LCN1: variants seen among roughly 807,000 people sequenced by gnomAD.
LCN1 encodes the protein lipocalin 1.
A neutral mutation model predicts 22.3 loss-of-function variants in LCN1; 25 were observed. The ratio of observed to expected loss-of-function variants is 1.12; its 90% confidence interval spans 0.82 to 1.56. LCN1 has a LOEUF of 1.56. LCN1 is among the 40% of genes most tolerant of loss of function. The probability of loss-of-function intolerance (pLI) is 0.00; values close to 1 mark genes in which losing one functional copy is unlikely to be tolerated. For missense variants in LCN1, 219 were observed against 235.6 expected, an observed-to-expected ratio of 0.93 and a Z score of 0.46; for synonymous variants, 85 against 97.6, an observed-to-expected ratio of 0.87 and a Z score of 0.76.
intron 2 of LCN1, 102 bp from the exon 3 acceptor site, chr9:135,523,130 G>C: frequency 5.6e-6 from 6 of 1,073,054 alleles, no homozygotes; most frequent in Non-Finnish European, 8.1e-6. Context: ...TGGGCCTGTG[G>C]CAGACTCGGG....
chr9:135,525,098 GGTCTCCTAA>G, intron 5 of LCN1, 25 bp from the exon 6 acceptor site: 1 of 1,610,602 alleles, frequency 6.2e-7, no homozygotes, highest in South Asian at 1.1e-5. Flanking sequence ...GCATTCCTGG[GGTCTCCTAA>G]CGCCTGTGCT....
At chr9:135,525,938 C>A (rs1255667016) in intron 6 of LCN1, among the ~76,000 whole-genome samples, 1 of 146,728 alleles carries the variant, frequency 6.8e-6, no homozygotes, top group African/African-American at 2.5e-5. Context: ...AGCACGTGCC[C>A]CCGCAACCAT....
At chr9:135,524,786 C>T in intron 4 of LCN1, 44 bp from the exon 5 acceptor site, 1 of 1,490,080 alleles carries the variant, frequency 6.7e-7, no homozygotes, top group Non-Finnish European at 9.2e-7. Context: ...TGCCGTCGGC[C>T]CAGTGCTGCC....
intron 6 of LCN1, 108 bp downstream of exon 6, chr9:135,525,266 G>A (rs1831605257): frequency 9.8e-6 from 11 of 1,127,598 alleles, no homozygotes; most frequent in African/African-American, 1.6e-5. Context: ...TACCTGGGTG[G>A]GAGATGCCCC....
In LCN1 at chr9:135,524,982, A is replaced by G. The variant is rs1831595773; in HGVS notation, c.505+51A>G. 5.8e-6 allele frequency: 9 copies of G among 1,555,616 alleles called. No homozygotes were observed. In the East Asian group the frequency reaches 1.6e-4, roughly 27 times the overall value. ...CCCCATGTCCCCGCGTGGGGACATCAGCAGAGCTGCATTGCACGGGCGCAT... is the reference window on the plus strand; with the variant it reads ...CCCCATGTCCCCGCGTGGGGACATCGGCAGAGCTGCATTGCACGGGCGCAT... On this transcript the variant is annotated intron_variant, in intron 5 of 6. Transcript: ENST00000371781.
rs370706633 is a variant in LCN1, at chr9:135,522,799, T to C, written c.222-433T>C. ...CCTGGCAATGACCCCGATTTTTTTT[T>C]CCCCCAAAGCCCCTCACTGAACCTT... On this transcript the variant is annotated intron_variant, in intron 2 of 6. Coordinates refer to ENST00000371781, the MANE Select transcript of LCN1 (RefSeq NM_002297.4). 3.5e-3 allele frequency among the ~76,000 whole-genome samples: 539 copies of C among 152,222 alleles called. 4 individuals are homozygous for C. Among genetic ancestry groups the C allele is most frequent in the African/African-American group, 0.012 (519 of 41,538 alleles).
intron 4 of LCN1, 40 bp downstream of exon 4, chr9:135,524,030 C>A: frequency 6.8e-7 from 1 of 1,475,788 alleles, no homozygotes; most frequent in Non-Finnish European, 9.5e-7. Flanking sequence ...ATGCCTCCAC[C>A]TGCCCTCCCT....
chr9:135,524,121 A>C, intron 4 of LCN1, 131 bp downstream of exon 4: 1 of 682,742 alleles, frequency 1.5e-6, no homozygotes, highest in South Asian at 1.8e-5. Context: ...TCTTAGGATG[A>C]GTTTTCCTGA....
chr9:135,523,492 C>T (rs1831550962), intron 3 of LCN1, among the ~76,000 whole-genome samples, 190 bp downstream of exon 3: 1 of 152,202 alleles, frequency 6.6e-6, no homozygotes. Context: ...CCCCAAACAC[C>T]AGGTGTGGCA....
At chr9:135,523,822 G>T in intron 3 of LCN1, 58 bp from the exon 4 acceptor site, 1 of 1,455,268 alleles carries the variant, frequency 6.9e-7, no homozygotes, top group South Asian at 1.1e-5. Flanking sequence ...CGCTGTCCCG[G>T]GATCCTCTCT....
At chr9:135,522,221 G>C (rs1296179491) in intron 2 of LCN1, 44 bp downstream of exon 2, 2 of 1,582,816 alleles carry the variant, frequency 1.3e-6, no homozygotes, top group Admixed American at 1.8e-5. Flanking sequence ...ACCTGGTCTA[G>C]GGCCTTCCCT....
chr9:135,526,518 A>G lies in LCN1; in HGVS notation c.*176A>G, dbSNP rs566730741. On this transcript the variant is annotated 3_prime_UTR_variant, in exon 7 of 7. Coordinates refer to ENST00000371781, the MANE Select transcript of LCN1 (RefSeq NM_002297.4). ...CGCCCCCTCTCCTGGTTCTCCATAAAGAGCTTCAGCAGTTCCCAGTGACTC... is the reference window on the plus strand; with the variant it reads ...CGCCCCCTCTCCTGGTTCTCCATAAGGAGCTTCAGCAGTTCCCAGTGACTC... The G allele has an allele frequency of 1.4e-4, 171 of 1,252,870 alleles. No individual in the cohort carries two copies. In the African/African-American group the frequency reaches 2.5e-3, roughly 18 times the overall value. The allele number at this position is 1,252,870 out of a possible 1,614,324, so 77.6% of individuals were successfully genotyped here.
rs1273488159 is a variant in LCN1, at chr9:135,522,178, G to A, written c.221+1G>A. On this transcript the variant is annotated splice_donor_variant, in intron 2 of 6. Coordinates refer to ENST00000371781, the MANE Select transcript of LCN1 (RefSeq NM_002297.4). LOFTEE classifies it high-confidence loss of function. ...ACCTGGAAGCCAAGGTCACCATGCTGTGAGTGTCTGCCAGCCGGCCGGGCA... is the reference window on the plus strand; with the variant it reads ...ACCTGGAAGCCAAGGTCACCATGCTATGAGTGTCTGCCAGCCGGCCGGGCA... 1.9e-6 allele frequency: 3 copies of A among 1,605,066 alleles called. No individual in the cohort carries two copies. The highest frequency in any genetic ancestry group is 2.7e-5 in the African/African-American group (2 of 74,616).
rs572980480 is a variant in LCN1 at position 135,524,972 on chromosome 9, T to G, written c.505+41T>G. On this transcript the variant is annotated intron_variant, in intron 5 of 6. Transcript: ENST00000371781. ...CTGCAGAGCCCCCCATGTCCCCGCG[T>G]GGGGACATCAGCAGAGCTGCATTGC... 800 of 1,559,028 alleles carry G rather than the reference T, an allele frequency of 5.1e-4. 4 individuals carry two copies. The highest frequency in any genetic ancestry group is 6.8e-5 in the Non-Finnish European group (77 of 1,135,238).
chr9:135,521,559 T>G lies in LCN1; in HGVS notation c.62T>G (p.Leu21Arg), dbSNP rs759401763. The change falls in exon 1 of 7, where the codon CTC (leucine) becomes CGC (arginine). Residue 21 changes from leucine to arginine, a missense_variant. By Grantham distance (102) the Leu-to-Arg change is moderately radical (BLOSUM62 -2). Transcript: ENST00000371781. ...GLIAALQAHHLLASDEEIQDV... is the reference protein window; with the variant it reads ...GLIAALQAHHRLASDEEIQDV... ...ATTGCTGCCCTGCAGGCCCACCACC[T>G]CCTGGCCTCAGACGAGGAGATTCAG... 6.2e-7 allele frequency: 1 copy of G among 1,613,404 alleles called. No homozygotes were observed. The highest frequency in any genetic ancestry group is 8.5e-7 in the Non-Finnish European group (1 of 1,179,882).
intron 6 of LCN1, among the ~76,000 whole-genome samples, chr9:135,525,884 C>A (rs973450504): frequency 1.4e-5 from 2 of 140,966 alleles, no homozygotes; most frequent in Non-Finnish European, 3.1e-5. Context: ...CCATAGCCCC[C>A]TAGAGCCCGG....
intron 6 of LCN1, among the ~76,000 whole-genome samples, chr9:135,525,584 T>G (rs1020427022): frequency 1.3e-5 from 2 of 152,082 alleles, no homozygotes; most frequent in Non-Finnish European, 2.9e-5. Context: ...ATGGGCCCCT[T>G]GCTGGCTGCA....
rs745689334 is a variant in LCN1 at position 135,524,879 on chromosome 9, C to T, written c.453C>T (p.Ala151=). Residue 151 remains alanine (A), a synonymous_variant, in exon 5 of 7, where the codon GCC becomes GCT. Coordinates refer to ENST00000371781, the MANE Select transcript of LCN1 (RefSeq NM_002297.4). ...NLEALEDFEK[A]AGARGLSTES... The stretch of plus-strand genomic sequence containing the variant: ...AAGCCTTGGAGGACTTTGAGAAAGC[C>T]GCAGGAGCCCGCGGACTCAGCACGG... 2.5e-5 allele frequency: 40 copies of T among 1,607,946 alleles called. No homozygotes were observed. The highest frequency in any genetic ancestry group is 2.4e-4 in the Admixed American group (14 of 59,372).
chr9:135,524,128 C>G, intron 4 of LCN1, 138 bp downstream of exon 4: 1 of 662,552 alleles, frequency 1.5e-6, no homozygotes, highest in Admixed American at 2.4e-5. Context: ...ATGAGTTTTC[C>G]TGATAAAGGC....
Sources: gnomAD v4.1 joint callset for allele counts (sites outside exome capture counted in the v4.1 genomes callset) on GRCh38, gnomAD v4.1.1 for gene constraint, MANE v1.5 for transcripts, NCBI Gene and HGNC (gene_info 2026-07-23, HGNC 2026-07-21) for gene names.